The following TTC7B variants were observed in gnomAD, a reference collection of about 807,000 sequenced individuals.
TTC7B encodes tetratricopeptide repeat domain 7B.
A neutral mutation model predicts 106.8 loss-of-function variants in TTC7B; 28 were observed. The observed-to-expected ratio is 0.26, with a 90% CI of 0.19 to 0.36. The LOEUF is 0.36. Ranked by LOEUF, TTC7B falls within the 10% of genes least tolerant of loss-of-function variation. The pLI, the probability that TTC7B is intolerant of heterozygous loss-of-function variation, is 1.00. For synonymous variants in TTC7B, 405 were observed against 430.6 expected, an observed-to-expected ratio of 0.94 and a Z score of 0.74; for missense variants, 862 against 1,076.4, an observed-to-expected ratio of 0.80 and a Z score of 2.79.
chr14:90,729,932 C>T, intron 5 of TTC7B, 143 bp downstream of exon 5: 2 of 823,158 alleles, frequency 2.4e-6, no homozygotes, highest in Non-Finnish European at 3.4e-6. Context: ...AGCCAATGTT[C>T]ATTCTTTAAA....
chr14:90,659,905 TAG>T (rs1886115273), intron 9 of TTC7B, among the ~76,000 whole-genome samples: 1 of 152,042 alleles, frequency 6.6e-6, no homozygotes, highest in African/African-American at 2.4e-5. Flanking sequence ...CCCAGAAGAC[TAG>T]AGAGAGCCAG....
intron 3 of TTC7B, among the ~76,000 whole-genome samples, chr14:90,778,757 G>A (rs146781795): frequency 6.6e-6 from 1 of 152,350 alleles, no homozygotes; most frequent in African/African-American, 2.4e-5. Flanking sequence ...AAAGGGGCGT[G>A]CCCATTAAAC....
At chr14:90,627,255 G>A (rs1360158045) in intron 15 of TTC7B, among the ~76,000 whole-genome samples, 1 of 152,090 alleles carries the variant, frequency 6.6e-6, no homozygotes, top group Non-Finnish European at 1.5e-5. Flanking sequence ...CAAATTGCTG[G>A]GATTACAGGT....
At chr14:90,677,798 T>C in intron 8 of TTC7B, 4 of 454,416 alleles carry the variant, frequency 8.8e-6, no homozygotes, top group Non-Finnish European at 1.8e-5. Flanking sequence ...GCATTTACTT[T>C]TAGCCACCCA....
rs568143330 is a variant in TTC7B at position 90,548,307 on chromosome 14, T to C, written c.2311-6718A>G. Among the ~76,000 whole-genome samples, 321 of 152,308 alleles carry C rather than the reference T, an allele frequency of 2.1e-3. 5 individuals are homozygous for C. Among genetic ancestry groups the C allele is most frequent in the Admixed American group, 8.2e-3 (126 of 15,292 alleles). On this transcript the variant is annotated intron_variant, in intron 19 of 19. Coordinates refer to ENST00000328459, the MANE Select transcript of TTC7B (RefSeq NM_001010854.2). ...GATGGTACTGGAGCACTTAAAGATC[T>C]TTCTGTTCTGCTCCTGGGTCAGAAA...
intron 4 of TTC7B, among the ~76,000 whole-genome samples, chr14:90,732,655 G>C (rs1364019966): frequency 3.3e-5 from 5 of 152,116 alleles, no homozygotes; most frequent in African/African-American, 1.2e-4. Context: ...TGAGATTACA[G>C]GCATGAGCCA....
intron 19 of TTC7B, chr14:90,569,782 C>T (rs1014119967): frequency 6.6e-6 from 1 of 152,352 alleles, no homozygotes. Context: ...GACATAACAG[C>T]CCTCAGGCAG....
chr14:90,780,541 G>T (rs750929082), intron 3 of TTC7B, among the ~76,000 whole-genome samples, 197 bp downstream of exon 3: 4 of 151,560 alleles, frequency 2.6e-5, no homozygotes, highest in Admixed American at 6.6e-5. Context: ...AGTGACAGCT[G>T]ATGGCCACTG....
chr14:90,699,993 GA>G (rs1264946584), intron 5 of TTC7B, among the ~76,000 whole-genome samples: 3 of 152,184 alleles, frequency 2.0e-5, no homozygotes, highest in Non-Finnish European at 4.4e-5. Flanking sequence ...TTTGTTGAAT[GA>G]AAAAGAACCA....
In TTC7B at chr14:90,808,715, C is replaced by A. The variant is rs916229737; in HGVS notation, c.121+7460G>T. On this transcript the variant is annotated intron_variant, in intron 1 of 19. Coordinates refer to ENST00000328459, the MANE Select transcript of TTC7B (RefSeq NM_001010854.2). This position sits in a 1 kb window ranked among gnomAD's most constrained non-coding sequence, Gnocchi z 4.2. Reference sequence around the variant, plus strand: ...ATGCTTTTGAGGTCTCAGAAAACCTCATCCCTCTTCCTGGGCTTCCCAGGT... The same window carrying A: ...ATGCTTTTGAGGTCTCAGAAAACCTAATCCCTCTTCCTGGGCTTCCCAGGT... Among the ~76,000 whole-genome samples the A allele has an allele frequency of 6.6e-6, 1 of 152,354 alleles. No individual in the cohort carries two copies. Among genetic ancestry groups the A allele is most frequent in the Non-Finnish European group, 1.5e-5 (1 of 68,042 alleles).
At chr14:90,664,591 G>A (rs1163761057) in intron 9 of TTC7B, among the ~76,000 whole-genome samples, 1 of 152,174 alleles carries the variant, frequency 6.6e-6, no homozygotes, top group Non-Finnish European at 1.5e-5. Flanking sequence ...TTTAATAATG[G>A]TTCCAGTGAA....
rs1595216068 is a variant in TTC7B at position 90,622,261 on chromosome 14, G to A, written c.1752-4216C>T. On this transcript the variant is annotated intron_variant, in intron 15 of 19. Transcript: ENST00000328459. The stretch of plus-strand genomic sequence containing the variant: ...AGCCTCCCAAATAGCTGGGACCACA[G>A]GTGCATGCCACCACACTTGGCCAAT... Among the ~76,000 whole-genome samples, 4 of 151,978 alleles carry A rather than the reference G, an allele frequency of 2.6e-5. 1 individual carries two copies. The South Asian group carries it at 8.3e-4, about 32-fold the overall frequency.
At chr14:90,748,922 C>G (rs1022748705) in intron 3 of TTC7B, among the ~76,000 whole-genome samples, 2 of 152,120 alleles carry the variant, frequency 1.3e-5, no homozygotes, top group African/African-American at 4.8e-5. Context: ...TAGTTCTGCT[C>G]CTGCTGATTT....
At chr14:90,573,412 G>C (rs531726691) in intron 19 of TTC7B, among the ~76,000 whole-genome samples, 5 of 131,166 alleles carry the variant, frequency 3.8e-5, no homozygotes, top group East Asian at 2.1e-4. Context: ...GCCCTCTCCG[G>C]CTCACGGTCC....
chr14:90,767,862 T>C (rs1273767426), intron 3 of TTC7B, among the ~76,000 whole-genome samples: 1 of 152,124 alleles, frequency 6.6e-6, no homozygotes, highest in Non-Finnish European at 1.5e-5. Context: ...TTTGAAGAAA[T>C]AGTGACTGAA....
chr14:90,764,536 G>T (rs544733972), intron 3 of TTC7B, among the ~76,000 whole-genome samples: 1 of 152,116 alleles, frequency 6.6e-6, no homozygotes, highest in South Asian at 2.1e-4. Flanking sequence ...CCACAAAATT[G>T]TAGAAAATAT....
rs1362382651 is a variant in TTC7B, at chr14:90,525,985, A to T, written c.*15383T>A. On this transcript the variant is annotated 3_prime_UTR_variant, in exon 20 of 20. Coordinates refer to ENST00000328459, the MANE Select transcript of TTC7B (RefSeq NM_001010854.2). ...AAAATAAAAAAAAATAAAAAAAATA[A>T]AAAAAAAAAAGAAGTCTTTGTATTT... 6.4e-5 allele frequency: 9 copies of T among 141,540 alleles called. 1 individual carries two copies. The highest frequency in any genetic ancestry group is 4.0e-4 in the East Asian group (2 of 5,056). The allele number at this position is 141,540 out of a possible 1,614,324, so 8.8% of individuals were successfully genotyped here. A position where few individuals can be genotyped will look rare whatever the true frequency, so the allele number is the denominator to read the frequency against.
At chr14:90,667,272 T>C (rs1041043217) in intron 9 of TTC7B, among the ~76,000 whole-genome samples, 11 of 152,172 alleles carry the variant, frequency 7.2e-5, no homozygotes, top group African/African-American at 2.2e-4. Flanking sequence ...TTGGAGATCC[T>C]TTAAGGAGGG....
At chr14:90,714,388 C>A (rs1285117567) in intron 5 of TTC7B, among the ~76,000 whole-genome samples, 1 of 151,604 alleles carries the variant, frequency 6.6e-6, no homozygotes, top group Non-Finnish European at 1.5e-5. Flanking sequence ...CGAACAGGCA[C>A]AAGGAACTTT....
Sources: gnomAD v4.1 joint callset for allele counts (sites outside exome capture counted in the v4.1 genomes callset) on GRCh38, gnomAD v4.1.1 for gene constraint, Gnocchi (gnomAD v3.1) non-coding constraint, MANE v1.5 for transcripts, NCBI Gene and HGNC (gene_info 2026-07-23, HGNC 2026-07-21) for gene names.